The following PYM1 variants were observed in gnomAD, a reference collection of about 807,000 sequenced individuals.
The protein encoded by PYM1 is partner of Y14 and mago.
In PYM1, 7 loss-of-function variants were observed where a neutral mutation model predicts 20.7. The observed-to-expected ratio is 0.34, with a 90% CI of 0.19 to 0.64. PYM1 has a LOEUF of 0.64. PYM1 is among the 30% of genes least tolerant of loss of function. PYM1 has a pLI of 0.74. For synonymous variants in PYM1, 100 were observed against 99.2 expected (o/e 1.01, Z -0.05); for missense variants, 194 against 250.0 (o/e 0.78, Z 1.51).
At chr12:55,909,227 T>C (rs1005153951) in intron 1 of PYM1, among the ~76,000 whole-genome samples, 1 of 152,106 alleles carries the variant, frequency 6.6e-6, no homozygotes, top group African/African-American at 2.4e-5. Context: ...GAGGGAGGAC[T>C]GAGACAAGAG....
At chr12:55,911,943 T>C (rs1409583157) in intron 1 of PYM1, among the ~76,000 whole-genome samples, 1 of 151,972 alleles carries the variant, frequency 6.6e-6, no homozygotes, top group Non-Finnish European at 1.5e-5. Flanking sequence ...ACCCCTTAGA[T>C]AGGAATTTTG....
Position 55,927,709 on chromosome 12 carries a change from G to T in PYM1, c.37+16C>A, listed in dbSNP as rs1358348733. 8 of 1,539,124 alleles carry T rather than the reference G, an allele frequency of 5.2e-6. No individual in the cohort carries two copies. The highest frequency in any genetic ancestry group is 7.0e-6 in the Non-Finnish European group (8 of 1,146,124). ...GGGAGGGGCGTGCAAGGCGGAGGGC[G>T]CCGCGGGTCGGTCACCTGTCTCCGT... On this transcript the variant is annotated intron_variant, in intron 1 of 2. Coordinates refer to ENST00000408946, the MANE Select transcript of PYM1 (RefSeq NM_032345.3).
chr12:55,904,429 T>A (rs2136256847), intron 1 of PYM1, among the ~76,000 whole-genome samples: 3 of 149,624 alleles, frequency 2.0e-5, no homozygotes, highest in Middle Eastern at 6.9e-3. Context: ...CCGTCTCTAA[T>A]AAAAATACAA....
intron 1 of PYM1, among the ~76,000 whole-genome samples, chr12:55,905,563 G>A (rs963737201): frequency 2.0e-5 from 3 of 149,688 alleles, no homozygotes; most frequent in Admixed American, 1.4e-4. Context: ...TTAGCTGGGC[G>A]TGGTGGCAGG....
intron 1 of PYM1, 54 bp from the exon 2 acceptor site, chr12:55,903,534 A>G: frequency 1.3e-6 from 2 of 1,552,390 alleles, no homozygotes; most frequent in Non-Finnish European, 1.8e-6. Context: ...ACATTTTACA[A>G]GATGAGACAA....
intron 1 of PYM1, among the ~76,000 whole-genome samples, chr12:55,920,065 C>T (rs1463840663): frequency 6.6e-6 from 1 of 151,942 alleles, no homozygotes; most frequent in Non-Finnish European, 1.5e-5. Context: ...GCCATGGTGG[C>T]GCATGCCTGT....
chr12:55,901,760 GAAGT>G lies in PYM1; in HGVS notation c.*108_*111del, dbSNP rs10609680. 1,159,737 of 1,458,688 alleles carry G rather than the reference GAAGT, an allele frequency of 0.8. 462,829 individuals are homozygous for G. The highest frequency in any genetic ancestry group is 0.87 in the Middle Eastern group (4,501 of 5,188). 90.4% of individuals were successfully genotyped at this position (1,458,688 alleles called of 1,614,324 possible). On this transcript the variant is annotated 3_prime_UTR_variant, in exon 3 of 3. Coordinates refer to ENST00000408946, the MANE Select transcript of PYM1 (RefSeq NM_032345.3). ...GGACAGAGCTGGGCCGCAGGAGGTG[GAAGT>G]AAGCCAGTATGGGGGGTACCCCTCC...
At chr12:55,910,350 G>A (rs1372893636) in intron 1 of PYM1, among the ~76,000 whole-genome samples, 2 of 151,220 alleles carry the variant, frequency 1.3e-5, no homozygotes, top group South Asian at 2.1e-4. Flanking sequence ...GCCCGATCCC[G>A]GCTCACTGCA....
chr12:55,917,108 A>T (rs1339850291), intron 1 of PYM1, among the ~76,000 whole-genome samples: 1 of 142,342 alleles, frequency 7.0e-6, no homozygotes, highest in African/African-American at 2.8e-5. Flanking sequence ...TCTCAAAAAT[A>T]AAAAAAAATT....
chr12:55,902,842 C>T (rs893679603), intron 2 of PYM1, among the ~76,000 whole-genome samples: 2 of 151,394 alleles, frequency 1.3e-5, no homozygotes, highest in African/African-American at 4.9e-5. Flanking sequence ...TCTCAGCTCA[C>T]TGCAACCTCC....
chr12:55,927,708 C>T lies in PYM1; in HGVS notation c.37+17G>A. ...CGGGAGGGGCGTGCAAGGCGGAGGG[C>T]GCCGCGGGTCGGTCACCTGTCTCCG... On this transcript the variant is annotated intron_variant, in intron 1 of 2. Coordinates refer to ENST00000408946, the MANE Select transcript of PYM1 (RefSeq NM_032345.3). The T allele has an allele frequency of 6.5e-7, 1 of 1,539,274 alleles. No homozygotes were observed. Among genetic ancestry groups the T allele is most frequent in the South Asian group, 1.2e-5 (1 of 83,886 alleles).
intron 1 of PYM1, among the ~76,000 whole-genome samples, chr12:55,918,638 C>T (rs191491226): frequency 6.6e-6 from 1 of 152,090 alleles, no homozygotes; most frequent in African/African-American, 2.4e-5. Flanking sequence ...GAGGCCAAGG[C>T]GGGTGGATCA....
chr12:55,905,624 A>T (rs1195817047), intron 1 of PYM1, among the ~76,000 whole-genome samples: 1 of 147,958 alleles, frequency 6.8e-6, no homozygotes, highest in East Asian at 2.0e-4. Flanking sequence ...AACTGCTTGA[A>T]CCCACGAGGC....
chr12:55,904,403 C>A (rs1159996998), intron 1 of PYM1, among the ~76,000 whole-genome samples: 7 of 150,862 alleles, frequency 4.6e-5, no homozygotes, highest in African/African-American at 1.7e-4. Flanking sequence ...ACCAGCCTGA[C>A]CAACATAGTG....
At chr12:55,917,597 T>G (rs960281506) in intron 1 of PYM1, among the ~76,000 whole-genome samples, 3 of 151,998 alleles carry the variant, frequency 2.0e-5, no homozygotes, top group African/African-American at 4.8e-5. Context: ...AGCTAAACAC[T>G]GGGTACTCAC....
intron 1 of PYM1, chr12:55,927,220 G>C (rs1463187756): frequency 1.8e-5 from 26 of 1,463,126 alleles, no homozygotes; most frequent in Non-Finnish European, 2.3e-5. Context: ...TAAAGGGAGA[G>C]TGCACCATTT....
chr12:55,918,985 A>C (rs934278900), intron 1 of PYM1, among the ~76,000 whole-genome samples: 15 of 152,218 alleles, frequency 9.9e-5, no homozygotes, highest in African/African-American at 3.4e-4. Flanking sequence ...AAAATTGTTA[A>C]ATAAGTTTGG....
Position 55,927,718 on chromosome 12 carries a change from C to A in PYM1, c.37+7G>T. 6.5e-7 allele frequency: 1 copy of A among 1,539,712 alleles called. No individual in the cohort carries two copies. The highest frequency in any genetic ancestry group is 8.7e-7 in the Non-Finnish European group (1 of 1,146,344). ...GTGCAAGGCGGAGGGCGCCGCGGGT[C>A]GGTCACCTGTCTCCGTAGCCGCAGG... On this transcript the variant is annotated splice_region_variant and intron_variant, in intron 1 of 2. Coordinates refer to ENST00000408946, the MANE Select transcript of PYM1 (RefSeq NM_032345.3).
At chr12:55,903,639 ATTAT>A (rs1882733625) in intron 1 of PYM1, among the ~76,000 whole-genome samples, 159 bp from the exon 2 acceptor site, 2 of 152,012 alleles carry the variant, frequency 1.3e-5, no homozygotes, top group South Asian at 4.1e-4. Flanking sequence ...TCCCTCTCTC[ATTAT>A]TTATTTACCG....
Sources: allele counts gnomAD v4.1 joint callset (sites outside exome capture counted in the v4.1 genomes callset), GRCh38; gene constraint gnomAD v4.1.1; transcripts MANE v1.5; gene names NCBI Gene and HGNC (gene_info 2026-07-23, HGNC 2026-07-21).